SEMA5A: variants seen among roughly 807,000 people sequenced by gnomAD.
SEMA5A encodes the protein semaphorin-5A.
A neutral mutation model predicts 135.5 loss-of-function variants in SEMA5A; 55 were observed. That is an observed-to-expected ratio of 0.41 (90% CI 0.33 to 0.51). The LOEUF (loss-of-function observed/expected upper bound fraction) is 0.51, where lower values mean the gene tolerates loss of function less well. Ranked by LOEUF, SEMA5A falls within the 20% of genes least tolerant of loss-of-function variation. The pLI is 0.37. For missense variants in SEMA5A, 1,290 were observed against 1,419.9 expected, an observed-to-expected ratio of 0.91 and a Z score of 1.47; for synonymous variants, 580 against 546.5, an observed-to-expected ratio of 1.06 and a Z score of -0.85.
intron 3 of SEMA5A, 22 bp downstream of exon 3, chr5:9,379,801 T>C (rs755528048): frequency 6.2e-7 from 1 of 1,603,112 alleles, no homozygotes; most frequent in Admixed American, 1.7e-5. Flanking sequence ...GGCTTTGCAA[T>C]CAGTGCGTGC....
intron 2 of SEMA5A, among the ~76,000 whole-genome samples, chr5:9,398,557 G>A (rs910534076): frequency 1.3e-5 from 2 of 152,212 alleles, no homozygotes; most frequent in African/African-American, 4.8e-5. Context: ...TAACAGACAA[G>A]AGCCTCAGTA....
intron 11 of SEMA5A, among the ~76,000 whole-genome samples, chr5:9,164,956 G>A (rs895427269): frequency 6.6e-6 from 1 of 152,108 alleles, no homozygotes; most frequent in Non-Finnish European, 1.5e-5. Context: ...CCATCACAAC[G>A]AGTAAAAACA....
At chr5:9,071,134 A>T (rs1737746295) in intron 16 of SEMA5A, among the ~76,000 whole-genome samples, 1 of 152,232 alleles carries the variant, frequency 6.6e-6, no homozygotes, top group Non-Finnish European at 1.5e-5. Context: ...AAGCAATTAT[A>T]AATAATTCCT....
chr5:9,379,494 TTTG>T (rs1755501141), intron 3 of SEMA5A, among the ~76,000 whole-genome samples: 1 of 152,158 alleles, frequency 6.6e-6, no homozygotes, highest in Admixed American at 6.5e-5. Context: ...TTTCCTTGGT[TTTG>T]TTGTTATTTT....
chr5:9,168,309 A>G (rs988284968), intron 11 of SEMA5A, among the ~76,000 whole-genome samples: 3 of 152,168 alleles, frequency 2.0e-5, no homozygotes, highest in African/African-American at 7.2e-5. Flanking sequence ...TCATTAACAA[A>G]CATTCTAGGT....
chr5:9,064,651 G>A (rs960056436), intron 17 of SEMA5A, among the ~76,000 whole-genome samples: 1 of 152,226 alleles, frequency 6.6e-6, no homozygotes, highest in African/African-American at 2.4e-5. Flanking sequence ...TCGGGGGTAG[G>A]GAGCTAGGGG....
At chr5:9,326,496 C>A (rs1386101516) in intron 4 of SEMA5A, among the ~76,000 whole-genome samples, 2 of 152,040 alleles carry the variant, frequency 1.3e-5, no homozygotes, top group African/African-American at 2.4e-5. Flanking sequence ...TCAGGTGATC[C>A]CCCTGCCTGG....
chr5:9,532,496 C>T (rs1303598856), intron 1 of SEMA5A, among the ~76,000 whole-genome samples: 1 of 149,612 alleles, frequency 6.7e-6, no homozygotes, highest in African/African-American at 2.5e-5. Context: ...CCATGTTGGC[C>T]AGCCTGGTCT....
chr5:9,071,560 T>C (rs771833930), intron 16 of SEMA5A, among the ~76,000 whole-genome samples: 1 of 152,166 alleles, frequency 6.6e-6, no homozygotes, highest in Non-Finnish European at 1.5e-5. Flanking sequence ...TTTGCATACA[T>C]TTGGGGAACA....
chr5:9,473,091 T>C (rs913292316), intron 1 of SEMA5A, among the ~76,000 whole-genome samples: 2 of 143,306 alleles, frequency 1.4e-5, no homozygotes, highest in Non-Finnish European at 1.5e-5. Context: ...ATATGTACCC[T>C]AAAACTTAAA....
chr5:9,427,972 T>C (rs1757718475), intron 2 of SEMA5A, among the ~76,000 whole-genome samples: 1 of 152,082 alleles, frequency 6.6e-6, no homozygotes, highest in Non-Finnish European at 1.5e-5. Context: ...TATCTATTTA[T>C]CTATCTCTAT....
intron 16 of SEMA5A, among the ~76,000 whole-genome samples, chr5:9,078,428 G>A (rs541164582): frequency 5.3e-5 from 8 of 152,130 alleles, no homozygotes; most frequent in South Asian, 2.1e-4. Context: ...AAGTCTAAGC[G>A]AGACTGTGTT....
intron 1 of SEMA5A, among the ~76,000 whole-genome samples, chr5:9,473,080 C>G (rs993252143): frequency 6.8e-6 from 1 of 146,906 alleles, no homozygotes; most frequent in Non-Finnish European, 1.5e-5. Context: ...TGTTTATTTA[C>G]ATATGTACCC....
At chr5:9,250,069 G>A (rs940171873) in intron 5 of SEMA5A, among the ~76,000 whole-genome samples, 3 of 152,184 alleles carry the variant, frequency 2.0e-5, no homozygotes, top group Non-Finnish European at 4.4e-5. Context: ...GAGACAAGTA[G>A]TTGAGAAAGA....
rs149283911 is a variant in SEMA5A at position 9,233,956 on chromosome 5, C to A, written c.333+3872G>T. On this transcript the variant is annotated intron_variant, in intron 6 of 22. Coordinates refer to ENST00000382496, the MANE Select transcript of SEMA5A (RefSeq NM_003966.3). ...AACTTCAGTTTAAATTGCTGGCATT[C>A]TTCTCATTTTTGAGATGTCACATTT... Among the ~76,000 whole-genome samples the A allele has an allele frequency of 1.3e-3, 196 of 152,032 alleles. 2 individuals are homozygous for A. The highest frequency in any genetic ancestry group is 2.2e-3 in the Non-Finnish European group (151 of 67,974).
intron 5 of SEMA5A, among the ~76,000 whole-genome samples, chr5:9,250,243 A>C (rs1748701838): frequency 6.6e-6 from 1 of 152,140 alleles, no homozygotes; most frequent in Non-Finnish European, 1.5e-5. Context: ...GCAATTTAGT[A>C]GTGGGAAGGG....
intron 5 of SEMA5A, among the ~76,000 whole-genome samples, chr5:9,277,578 A>G (rs545369651): frequency 6.6e-6 from 1 of 152,330 alleles, no homozygotes; most frequent in South Asian, 2.1e-4. Context: ...ATGCCCATCA[A>G]TGATAGACTG....
intron 6 of SEMA5A, among the ~76,000 whole-genome samples, chr5:9,235,856 G>C (rs194154): frequency 0.19 from 29,012 of 152,052 alleles, 3,105 homozygotes; most frequent in African/African-American, 0.3. Context: ...GTATTAGTCT[G>C]TTCTCACACT....
chr5:9,360,952 A>C (rs1189098243), intron 3 of SEMA5A, among the ~76,000 whole-genome samples: 1 of 152,208 alleles, frequency 6.6e-6, no homozygotes, highest in African/African-American at 2.4e-5. Context: ...CAAGATCTAT[A>C]AAGTATTTTT....
Sources: gnomAD v4.1 joint callset for allele counts (sites outside exome capture counted in the v4.1 genomes callset) on GRCh38, gnomAD v4.1.1 for gene constraint, MANE v1.5 for transcripts, NCBI Gene and HGNC (gene_info 2026-07-23, HGNC 2026-07-21) for gene names.